FUT8: variants seen among roughly 807,000 people sequenced by gnomAD.
FUT8 encodes the protein fucosyltransferase 8, also known as alpha-(1,6)-fucosyltransferase.
FUT8 carries 29 observed loss-of-function variants against 71.3 expected under a neutral mutation model. The observed-to-expected ratio is 0.41, with a 90% CI of 0.30 to 0.55. The LOEUF is 0.55. Ranked by LOEUF, FUT8 falls within the 20% of genes least tolerant of loss-of-function variation. The probability of loss-of-function intolerance (pLI) is 0.34; values close to 1 mark genes in which losing one functional copy is unlikely to be tolerated. For missense variants in FUT8, 544 were observed against 702.1 expected, an observed-to-expected ratio of 0.77 and a Z score of 2.55; for synonymous variants, 254 against 239.3, an observed-to-expected ratio of 1.06 and a Z score of -0.57.
intron 2 of FUT8, among the ~76,000 whole-genome samples, chr14:65,512,293 G>A (rs1263601981): frequency 6.6e-6 from 1 of 152,186 alleles, no homozygotes; most frequent in Non-Finnish European, 1.5e-5. Context: ...CTCCCAGGTA[G>A]TAGCTGGGAT....
intron 1 of FUT8, among the ~76,000 whole-genome samples, chr14:65,415,215 T>C (rs2065201236): frequency 6.6e-6 from 1 of 152,324 alleles, no homozygotes; most frequent in South Asian, 2.1e-4. Context: ...TATAGCTTAA[T>C]AGCTGTTTGA....
At chr14:65,623,290 T>A (rs557761841) in intron 5 of FUT8, among the ~76,000 whole-genome samples, 302 of 152,230 alleles carry the variant, frequency 2.0e-3, no homozygotes, top group Middle Eastern at 6.8e-3. Flanking sequence ...TCTTTTTTTT[T>A]TAATAGTTTT....
At chr14:65,677,165 CGCGCGCACGT>C (rs1566890662) in intron 7 of FUT8, among the ~76,000 whole-genome samples, 105 of 82,718 alleles carry the variant, frequency 1.3e-3, no homozygotes, top group African/African-American at 5.1e-3. Flanking sequence ...CGCGCGCATG[CGCGCGCACGT>C]ATGTGTGTGC....
At chr14:65,405,371 A>G in the FUT8 span, among the ~76,000 whole-genome samples, 10 of 152,322 alleles carry the variant, frequency 6.6e-5, no homozygotes, top group Non-Finnish European at 1.5e-4. Context: ...AAGATATAGG[A>G]AGGTAAATCT....
intron 1 of FUT8, among the ~76,000 whole-genome samples, chr14:65,447,512 A>C (rs181909567): frequency 3.9e-4 from 60 of 152,220 alleles, no homozygotes; most frequent in African/African-American, 1.4e-3. Flanking sequence ...AGATTAAATT[A>C]AAAGATTAAA....
chr14:65,636,229 T>A (rs1159637074), intron 6 of FUT8, among the ~76,000 whole-genome samples: 1 of 152,218 alleles, frequency 6.6e-6, no homozygotes, highest in Non-Finnish European at 1.5e-5. Context: ...ATTTTTTCTC[T>A]TCTTTTCTTG....
In FUT8 at chr14:65,536,969, C is replaced by CTTT. The variant is rs57549287; in HGVS notation, c.-227-24354_-227-24352dup. 1.7e-4 allele frequency among the ~76,000 whole-genome samples: 21 copies of CTTT among 124,544 alleles called. No homozygotes were observed. In the East Asian group the frequency reaches 2.4e-3, roughly 14 times the overall value. 81.7% of individuals were successfully genotyped at this position (124,544 alleles called of 152,430 possible). ...CCCTTTTGTTCTTCATCTTCTTCTT[C>CTTT]TTTTTTTTTTTTTTTTGCTGACTGT... On this transcript the variant is annotated intron_variant, in intron 2 of 10. Coordinates refer to ENST00000673929, the MANE Select transcript of FUT8 (RefSeq NM_001371533.1).
intron 6 of FUT8, among the ~76,000 whole-genome samples, chr14:65,629,857 C>CACACACACACAA (rs879281017): frequency 6.9e-6 from 1 of 143,982 alleles, no homozygotes; most frequent in Admixed American, 7.0e-5. Flanking sequence ...CACACACACA[C>CACACACACACAA]AATACAATAC....
intron 2 of FUT8, among the ~76,000 whole-genome samples, chr14:65,463,918 A>G (rs1196436491): frequency 6.6e-6 from 1 of 152,202 alleles, no homozygotes; most frequent in African/African-American, 2.4e-5. Context: ...TTCACTTTCC[A>G]TGTTGTGTTT....
chr14:65,415,813 A>G (rs936196831), intron 1 of FUT8, among the ~76,000 whole-genome samples: 4 of 151,984 alleles, frequency 2.6e-5, no homozygotes, highest in African/African-American at 4.8e-5. Flanking sequence ...CAGCTGATCT[A>G]CCAAATTGAA....
chr14:65,549,028 T>C (rs1885135310), intron 2 of FUT8, among the ~76,000 whole-genome samples: 1 of 152,164 alleles, frequency 6.6e-6, no homozygotes, highest in South Asian at 2.1e-4. Flanking sequence ...CAACCACACT[T>C]TGATACCACT....
intron 6 of FUT8, among the ~76,000 whole-genome samples, chr14:65,633,004 T>TCCCCCCCCCCCC (rs376298224): frequency 1.3e-5 from 1 of 78,022 alleles, no homozygotes; most frequent in African/African-American, 5.3e-5. Flanking sequence ...CCCTCTCCCC[T>TCCCCCCCCCCCC]CCCCCCCCCC....
At chr14:65,581,184 C>T (rs1204456265) in intron 3 of FUT8, among the ~76,000 whole-genome samples, 1 of 152,030 alleles carries the variant, frequency 6.6e-6, no homozygotes, top group East Asian at 1.9e-4. Context: ...GTCATAAACT[C>T]TGGTGATGAG....
chr14:65,613,323 A>G (rs768140805), intron 3 of FUT8, among the ~76,000 whole-genome samples: 1 of 152,190 alleles, frequency 6.6e-6, no homozygotes. Context: ...ATTGCTGCCA[A>G]AATAAATCCC....
At chr14:65,563,999 A>G (rs577298596) in intron 3 of FUT8, among the ~76,000 whole-genome samples, 2 of 152,174 alleles carry the variant, frequency 1.3e-5, no homozygotes, top group African/African-American at 4.8e-5. Context: ...AGGGAATATA[A>G]TTTCAGGAAA....
intron 2 of FUT8, among the ~76,000 whole-genome samples, chr14:65,503,847 A>AT (rs1275213073): frequency 6.6e-6 from 1 of 152,222 alleles, no homozygotes; most frequent in Non-Finnish European, 1.5e-5. Context: ...ATTCCTACAG[A>AT]TGGGTGAAGA....
intron 5 of FUT8, among the ~76,000 whole-genome samples, chr14:65,623,919 G>T (rs1463487398): frequency 6.6e-6 from 1 of 152,132 alleles, no homozygotes; most frequent in African/African-American, 2.4e-5. Context: ...AACCACAACA[G>T]CCAGATTCCC....
intron 7 of FUT8, among the ~76,000 whole-genome samples, chr14:65,693,576 A>G (rs1208619706): frequency 6.6e-6 from 1 of 152,160 alleles, no homozygotes; most frequent in East Asian, 1.9e-4. Context: ...TTCTTTTTAT[A>G]CATTGTTAGG....
At chr14:65,460,394 G>A (rs1401273012) in intron 2 of FUT8, among the ~76,000 whole-genome samples, 1 of 152,194 alleles carries the variant, frequency 6.6e-6, no homozygotes, top group Non-Finnish European at 1.5e-5. Context: ...GGGCATATTT[G>A]CTTGTAGCTC....
Sources: allele counts gnomAD v4.1 joint callset (sites outside exome capture counted in the v4.1 genomes callset), GRCh38; gene constraint gnomAD v4.1.1; transcripts MANE v1.5; gene names NCBI Gene and HGNC (gene_info 2026-07-23, HGNC 2026-07-21).